ODF2L: variants seen among roughly 807,000 people sequenced by gnomAD.
The protein encoded by ODF2L is protein BCAP.
In ODF2L, 76 loss-of-function variants were observed where a neutral mutation model predicts 86.3. That is an observed-to-expected ratio of 0.88 (90% CI 0.73 to 1.07). The LOEUF is 1.07. ODF2L is among the 50% of genes least tolerant of loss of function. The probability of loss-of-function intolerance (pLI) is 0.00; values close to 1 mark genes in which losing one functional copy is unlikely to be tolerated. For synonymous variants in ODF2L, 241 were observed against 231.3 expected, an observed-to-expected ratio of 1.04 and a Z score of -0.38; for missense variants, 748 against 717.4, an observed-to-expected ratio of 1.04 and a Z score of -0.49.
intron 3 of ODF2L, 51 bp downstream of exon 3, chr1:86,385,407 C>G (rs1387942701): frequency 1.7e-6 from 2 of 1,159,762 alleles, no homozygotes; most frequent in African/African-American, 3.1e-5. Context: ...TTAATGCATT[C>G]TGAGTATTAT....
At chr1:86,392,788 A>T (rs956795334) in intron 1 of ODF2L, among the ~76,000 whole-genome samples, 9 of 152,160 alleles carry the variant, frequency 5.9e-5, no homozygotes, top group African/African-American at 1.9e-4. Context: ...ACCAAATACC[A>T]CCTGTTCCCC....
chr1:86,348,834 A>G, downstream of ODF2L: 1 of 1,564,042 alleles, frequency 6.4e-7, no homozygotes, highest in Non-Finnish European at 8.6e-7. Context: ...ACTTCTCAAG[A>G]CTATTTTGTA....
chr1:86,385,337 C>T lies in ODF2L; in HGVS notation c.246+121G>A, dbSNP rs1018143440. On this transcript the variant is annotated intron_variant, in intron 3 of 17. Coordinates refer to ENST00000317336, the Ensembl canonical transcript of ODF2L. ...CAGGAATAAAGAATTCTGATAAACC[C>T]TCATTTTTGGTATGAAATACTCATA... is the stretch of plus-strand genomic sequence containing the variant. The T allele has an allele frequency of 5.2e-6, 3 of 575,208 alleles. No homozygotes were observed. The African/African-American group carries it at 5.7e-5, about 11-fold the overall frequency. 35.6% of individuals were successfully genotyped at this position (575,208 alleles called of 1,614,324 possible).
chr1:86,363,862 C>T (rs977152627), intron 11 of ODF2L, among the ~76,000 whole-genome samples: 8 of 152,096 alleles, frequency 5.3e-5, no homozygotes, highest in East Asian at 1.9e-4. Context: ...GGAGGTTACT[C>T]GGCCTTGAAA....
intron 11 of ODF2L, among the ~76,000 whole-genome samples, chr1:86,365,719 C>A (rs1659358171): frequency 6.6e-6 from 1 of 152,174 alleles, no homozygotes; most frequent in Admixed American, 6.5e-5. Flanking sequence ...TTCTGGAAAA[C>A]TGATGACTGA....
chr1:86,364,527 A>G (rs1419157682), intron 11 of ODF2L, among the ~76,000 whole-genome samples: 2 of 152,348 alleles, frequency 1.3e-5, no homozygotes, highest in East Asian at 1.9e-4. Context: ...ATTTGGCTAC[A>G]GCTCAGAATA....
intron 11 of ODF2L, among the ~76,000 whole-genome samples, chr1:86,368,197 T>C (rs1659571981): frequency 6.6e-6 from 1 of 152,182 alleles, no homozygotes; most frequent in South Asian, 2.1e-4. Context: ...ATATTGCCCT[T>C]AACATTCATA....
chr1:86,354,920 C>T, intron 14 of ODF2L, 61 bp from the exon 14 acceptor site: 3 of 914,382 alleles, frequency 3.3e-6, no homozygotes, highest in South Asian at 2.9e-5. Flanking sequence ...CAAAGAAATC[C>T]ATATAATTTA....
At chr1:86,393,173 T>C (rs1661449162) in intron 1 of ODF2L, among the ~76,000 whole-genome samples, 1 of 152,236 alleles carries the variant, frequency 6.6e-6, no homozygotes, top group African/African-American at 2.4e-5. Context: ...ACAATATCTC[T>C]GAAGAGAATA....
intron 12 of ODF2L, among the ~76,000 whole-genome samples, chr1:86,359,556 TCTG>T (rs1243958017): frequency 8.7e-6 from 1 of 114,974 alleles, no homozygotes; most frequent in African/African-American, 3.7e-5. Flanking sequence ...GGAGTCTTGC[TCTG>T]TTGCCCAGGC....
intron 7 of ODF2L, among the ~76,000 whole-genome samples, chr1:86,377,261 G>A (rs116572711): frequency 6.6e-6 from 1 of 152,208 alleles, no homozygotes; most frequent in Admixed American, 6.5e-5. Context: ...GCTGATGCAA[G>A]GAGTGGGCTC....
At chr1:86,370,290 C>T (rs1659704773) in intron 10 of ODF2L, among the ~76,000 whole-genome samples, 1 of 151,306 alleles carries the variant, frequency 6.6e-6, no homozygotes, top group Non-Finnish European at 1.5e-5. Context: ...TTCTAAATAT[C>T]ATTTAGTTAA....
chr1:86,384,443 C>A (rs1224912879), intron 4 of ODF2L, among the ~76,000 whole-genome samples: 2 of 150,684 alleles, frequency 1.3e-5, no homozygotes, highest in African/African-American at 4.9e-5. Context: ...AGAATCAGCT[C>A]AATTAAGTAT....
chr1:86,383,744 C>A (rs1271010591), intron 4 of ODF2L, among the ~76,000 whole-genome samples: 1 of 151,654 alleles, frequency 6.6e-6, no homozygotes, highest in African/African-American at 2.4e-5. Flanking sequence ...CAAAATTGTA[C>A]ACGGAATTTC....
At chr1:86,394,910 G>C (rs917125977) in intron 1 of ODF2L, among the ~76,000 whole-genome samples, 1 of 139,910 alleles carries the variant, frequency 7.1e-6, no homozygotes, top group African/African-American at 2.7e-5. Flanking sequence ...GCGCGATCTC[G>C]GCTCACGGCA....
intron 17 of ODF2L, 132 bp downstream of exon 16, chr1:86,352,727 T>C (rs1221149695): frequency 3.8e-6 from 2 of 529,436 alleles, no homozygotes; most frequent in Admixed American, 7.7e-5. Context: ...TTATTTGTTA[T>C]GTCTTATATT....
chr1:86,370,814 G>T (rs926198997), intron 10 of ODF2L, among the ~76,000 whole-genome samples: 1 of 152,162 alleles, frequency 6.6e-6, no homozygotes. Flanking sequence ...ATGCATAGTA[G>T]TTTATTTTAA....
intron 7 of ODF2L, among the ~76,000 whole-genome samples, chr1:86,377,448 G>A (rs556390272): frequency 6.6e-6 from 1 of 152,160 alleles, no homozygotes; most frequent in Non-Finnish European, 1.5e-5. Context: ...AGCTCCACTA[G>A]GCAGTGCTCC....
exon 13 of ODF2L, chr1:86,358,866 T>A (rs746764544): frequency 6.5e-7 from 1 of 1,545,264 alleles, no homozygotes; most frequent in South Asian, 1.3e-5. Flanking sequence ...TTTTACTATT[T>A]CAGCTGCTTC....
Sources: allele counts gnomAD v4.1 joint callset (sites outside exome capture counted in the v4.1 genomes callset), GRCh38; gene constraint gnomAD v4.1.1; transcripts MANE v1.5; gene names NCBI Gene and HGNC (gene_info 2026-07-23, HGNC 2026-07-21).